The following SYTL4 variants were observed in gnomAD, a reference collection of about 807,000 sequenced individuals.
SYTL4 encodes synaptotagmin-like protein 4.
SYTL4 carries 16 observed loss-of-function variants against 52.7 expected under a neutral mutation model. The ratio of observed to expected loss-of-function variants is 0.30; its 90% CI spans 0.21 to 0.46. The LOEUF is 0.46. Ranked by LOEUF, SYTL4 falls within the 20% of genes least tolerant of loss-of-function variation. The pLI is 1.00. For missense variants in SYTL4, 423 were observed against 519.9 expected (o/e 0.81, Z 1.81); for synonymous variants, 160 against 186.6 (o/e 0.86, Z 1.16).
Position 100,681,228 on chromosome X carries a change from C to T in SYTL4, c.1557G>A (p.Lys519=), listed in dbSNP as rs900120012. ...SKTPVGGDRK[K]SKGGEGGELQ... is the part of the protein sequence containing the mutation. ...TCCAGGACCCCAAAGAAAACTCACT[C>T]TTTTTCCGGTCACCTCCAACAGGGG... is the stretch of plus-strand genomic sequence containing the variant. The change falls in exon 17 of 20, where the codon AAG becomes AAA. Residue 519 remains lysine, a splice_region_variant and synonymous_variant. Transcript: ENST00000372989. 1.7e-6 allele frequency: 2 copies of T among 1,206,630 alleles called. No individual in the cohort carries two copies. The highest frequency in any genetic ancestry group is 2.2e-6 in the Non-Finnish European group (2 of 891,244).
At chrX:100,697,288 A>T (rs1250481013) in intron 8 of SYTL4, among the ~76,000 whole-genome samples, 2 of 111,846 alleles carry the variant, frequency 1.8e-5, no homozygotes, top group Non-Finnish European at 3.8e-5. Flanking sequence ...TTCTGCACCT[A>T]CCCCTTCAGG....
chrX:100,699,624 G>A (rs1382423459), intron 8 of SYTL4, among the ~76,000 whole-genome samples: 1 of 97,959 alleles, frequency 1.0e-5, no homozygotes. Context: ...GAGTAGCTGG[G>A]ACTACAGGTG....
intron 16 of SYTL4, among the ~76,000 whole-genome samples, chrX:100,684,022 A>G (rs778427537): frequency 1.8e-5 from 2 of 111,787 alleles, no homozygotes; most frequent in Non-Finnish European, 3.8e-5. Flanking sequence ...AAAATTCTAA[A>G]TTTGTAATAA....
At position 100,718,392 on chromosome X, in the gene SYTL4, A is replaced by G. The variant is rs1409822044; in HGVS notation, c.-240+13026T>C. 4.5e-5 allele frequency among the ~76,000 whole-genome samples: 5 copies of G among 111,857 alleles called. No individual in the cohort carries two copies. The East Asian group carries it at 1.4e-3, about 31-fold the overall frequency. ...CCAGACAGGATTTAAAGTGACTTAC[A>G]AAGATTCATAAAACATCAAAAAATA... On this transcript the variant is annotated intron_variant, in intron 2 of 19. Coordinates refer to ENST00000372989, the MANE Select transcript of SYTL4 (RefSeq NM_001370165.1).
Position 100,674,963 on chromosome X carries a change from C to T in SYTL4, c.*1065G>A, listed in dbSNP as rs2083253625. On this transcript the variant is annotated 3_prime_UTR_variant, in exon 20 of 20. Coordinates refer to ENST00000372989, the MANE Select transcript of SYTL4 (RefSeq NM_001370165.1). Reference sequence around the variant, plus strand: ...GCAGGAAGTCAGAATAACAGGGAGACTCTGTCTACATTCCCTTAGAGCCCT... The same window carrying T: ...GCAGGAAGTCAGAATAACAGGGAGATTCTGTCTACATTCCCTTAGAGCCCT... 1 of 111,785 alleles carries T rather than the reference C, an allele frequency of 8.9e-6. No individual in the cohort carries two copies. Among genetic ancestry groups the T allele is most frequent in the African/African-American group, 3.3e-5 (1 of 30,740 alleles). 9.2% of individuals were successfully genotyped at this position (111,785 alleles called of 1,213,427 possible).
At chrX:100,707,707 G>C (rs2083986060) in intron 2 of SYTL4, among the ~76,000 whole-genome samples, 1 of 111,308 alleles carries the variant, frequency 9.0e-6, no homozygotes, top group African/African-American at 3.3e-5. Context: ...GTTTAATAGA[G>C]AAACCAAAGC....
At chrX:100,718,770 T>C (rs927106716) in intron 2 of SYTL4, among the ~76,000 whole-genome samples, 48 of 109,223 alleles carry the variant, frequency 4.4e-4, no homozygotes, top group African/African-American at 1.5e-3. Context: ...AGAGTTTGCA[T>C]GTGCTGAGGC....
At chrX:100,706,734 T>C (rs966311796) in intron 2 of SYTL4, among the ~76,000 whole-genome samples, 8 of 111,813 alleles carry the variant, frequency 7.2e-5, no homozygotes, top group African/African-American at 2.6e-4. Context: ...AAAAATCCAG[T>C]TATGTGCCAT....
chrX:100,709,593 TA>T (rs770198597), intron 2 of SYTL4, among the ~76,000 whole-genome samples: 58 of 112,200 alleles, frequency 5.2e-4, no homozygotes, highest in Non-Finnish European at 9.8e-4. Flanking sequence ...TGACCTTGGG[TA>T]AGTTACTAAT....
intron 2 of SYTL4, among the ~76,000 whole-genome samples, 174 bp from the exon 3 acceptor site, chrX:100,705,060 A>G (rs1673191013): frequency 9.0e-6 from 1 of 111,469 alleles, no homozygotes; most frequent in African/African-American, 3.3e-5. Context: ...TCTTATCCCC[A>G]AGGAGAATAT....
At chrX:100,711,032 C>T (rs2084057468) in intron 2 of SYTL4, among the ~76,000 whole-genome samples, 1 of 111,873 alleles carries the variant, frequency 8.9e-6, no homozygotes, top group African/African-American at 3.3e-5. Flanking sequence ...TGCCTGTTTC[C>T]GCCAGCCAAA....
At chrX:100,688,557 A>G (rs1006305887) in intron 12 of SYTL4, 114 bp from the exon 13 acceptor site, 758 of 505,650 alleles carry the variant, frequency 1.5e-3, no homozygotes, top group Non-Finnish European at 1.9e-3. Context: ...GTACGCACAC[A>G]TACTTCTTTT....
At chrX:100,707,462 C>T (rs1332510721) in intron 2 of SYTL4, among the ~76,000 whole-genome samples, 1 of 111,363 alleles carries the variant, frequency 9.0e-6, no homozygotes, top group Non-Finnish European at 1.9e-5. Context: ...ACTCCCCATA[C>T]TATGGCATAG....
At chrX:100,695,092 G>C (rs1010998960) in intron 8 of SYTL4, among the ~76,000 whole-genome samples, 12 of 99,741 alleles carry the variant, frequency 1.2e-4, no homozygotes, top group Non-Finnish European at 4.0e-5. Context: ...ATGGTCCATG[G>C]AGAGTGGTTT....
chrX:100,724,743 C>A (rs758765102), intron 2 of SYTL4, among the ~76,000 whole-genome samples: 2 of 107,547 alleles, frequency 1.9e-5, no homozygotes, highest in East Asian at 2.9e-4. Flanking sequence ...CGGAAGGCCG[C>A]AGGGTCCTCT....
intron 2 of SYTL4, among the ~76,000 whole-genome samples, chrX:100,710,310 C>G (rs1402247536): frequency 1.8e-4 from 20 of 111,673 alleles, no homozygotes; most frequent in Admixed American, 1.6e-3. Flanking sequence ...TTAAACTGCT[C>G]TTTTTAAAAT....
intron 19 of SYTL4, among the ~76,000 whole-genome samples, chrX:100,676,780 C>T (rs769467843): frequency 1.8e-5 from 2 of 111,742 alleles, no homozygotes; most frequent in South Asian, 3.8e-4. Flanking sequence ...CCACCGTGCC[C>T]GGCCAACTTT....
chrX:100,719,855 A>G (rs935651955), intron 2 of SYTL4, among the ~76,000 whole-genome samples: 1 of 112,090 alleles, frequency 8.9e-6, no homozygotes, highest in African/African-American at 3.2e-5. Context: ...CCCACTTAAA[A>G]TAATATATAC....
chrX:100,704,202 A>G (rs748897309), intron 3 of SYTL4, among the ~76,000 whole-genome samples: 52 of 111,911 alleles, frequency 4.6e-4, no homozygotes, highest in Non-Finnish European at 9.6e-4. Context: ...CCTGGGCTCA[A>G]GTGATCTTCC....
Sources: gnomAD v4.1 joint callset for allele counts (sites outside exome capture counted in the v4.1 genomes callset) on GRCh38, gnomAD v4.1.1 for gene constraint, MANE v1.5 for transcripts, NCBI Gene and HGNC (gene_info 2026-07-23, HGNC 2026-07-21) for gene names.